Variants in ZBTB20 observed in about 807,000 individuals in gnomAD.
ZBTB20 encodes the protein zinc finger and BTB domain containing 20, also known as zinc finger and BTB domain-containing protein 20.
In ZBTB20, 9 loss-of-function variants were observed where a neutral mutation model predicts 56.9. That is an observed-to-expected ratio of 0.16 (90% CI 0.10 to 0.28). The LOEUF is 0.28. Ranked by LOEUF, ZBTB20 falls within the 10% of genes least tolerant of loss-of-function variation. The pLI is 1.00. For synonymous variants in ZBTB20, 417 were observed against 420.7 expected, an observed-to-expected ratio of 0.99 and a Z score of 0.11; for missense variants, 655 against 1,003.0, an observed-to-expected ratio of 0.65 and a Z score of 4.69.
At chr3:114,371,385 G>T (rs539307772) in intron 10 of ZBTB20, among the ~76,000 whole-genome samples, 1 of 152,230 alleles carries the variant, frequency 6.6e-6, no homozygotes, top group East Asian at 1.9e-4. Context: ...TGTAGTGACA[G>T]GCACAAAAGA....
chr3:114,498,465 T>C (rs984449015), intron 7 of ZBTB20, among the ~76,000 whole-genome samples: 3 of 152,162 alleles, frequency 2.0e-5, no homozygotes, highest in African/African-American at 7.2e-5. Context: ...ACATTTCTTT[T>C]CCTTTTGTCG....
At position 115,059,899 on chromosome 3, in the gene ZBTB20, G is replaced by T. The variant is rs139736319; in HGVS notation, c.-507+11320C>A. ...TTTTCAAGAACCATGTCTTTTATAT[G>T]GTATCTGGTTATGTTGTTACTATTT... On this transcript the variant is annotated intron_variant, in intron 2 of 11. Coordinates refer to ENST00000675478, the MANE Select transcript of ZBTB20 (RefSeq NM_001348800.3). Among the ~76,000 whole-genome samples, 200 of 152,048 alleles carry T rather than the reference G, an allele frequency of 1.3e-3. 2 individuals carry two copies. The highest frequency in any genetic ancestry group is 2.8e-4 in the Non-Finnish European group (19 of 67,952).
chr3:114,898,023 A>G (rs2074957584), intron 4 of ZBTB20, among the ~76,000 whole-genome samples: 1 of 152,140 alleles, frequency 6.6e-6, no homozygotes, highest in African/African-American at 2.4e-5. Flanking sequence ...AAATTTAGTG[A>G]GTCATAGAGA....
intron 6 of ZBTB20, chr3:114,687,667 T>G (rs890201585): frequency 6.6e-6 from 1 of 151,474 alleles, no homozygotes; most frequent in African/African-American, 2.4e-5. Context: ...TCACATAGTT[T>G]GTTGAAATAA....
chr3:114,798,687 C>T (rs1036976522), intron 5 of ZBTB20, among the ~76,000 whole-genome samples: 1 of 151,996 alleles, frequency 6.6e-6, no homozygotes, highest in African/African-American at 2.4e-5. Context: ...TTCTTACATC[C>T]TTTCCCACTA....
chr3:114,420,984 A>G (rs2108821844), intron 7 of ZBTB20, among the ~76,000 whole-genome samples: 2 of 152,280 alleles, frequency 1.3e-5, no homozygotes, highest in Middle Eastern at 6.8e-3. Context: ...GCATTAAACC[A>G]TACCATCATT....
intron 1 of ZBTB20, among the ~76,000 whole-genome samples, chr3:115,076,307 T>A (rs2082591193): frequency 6.6e-6 from 1 of 152,138 alleles, no homozygotes; most frequent in Non-Finnish European, 1.5e-5. Context: ...CTTCAAAATA[T>A]ATTACAAAAC....
chr3:114,410,187 T>C (rs1241963652), intron 7 of ZBTB20, among the ~76,000 whole-genome samples: 3 of 151,996 alleles, frequency 2.0e-5, no homozygotes, highest in Non-Finnish European at 4.4e-5. Flanking sequence ...GCTCTGAGAA[T>C]CAGCGAACTC....
At chr3:114,725,200 G>A (rs981054919) in intron 5 of ZBTB20, among the ~76,000 whole-genome samples, 3 of 152,288 alleles carry the variant, frequency 2.0e-5, no homozygotes, top group East Asian at 3.9e-4. Context: ...TAAACCATGT[G>A]CAAATACAAA....
intron 2 of ZBTB20, among the ~76,000 whole-genome samples, chr3:115,036,832 G>T (rs1298309601): frequency 6.6e-6 from 1 of 152,100 alleles, no homozygotes; most frequent in Admixed American, 6.5e-5. Flanking sequence ...TTGGCCCTGA[G>T]ACTGAAAAAT....
chr3:114,899,775 T>C (rs2075032833), intron 4 of ZBTB20, among the ~76,000 whole-genome samples: 1 of 152,178 alleles, frequency 6.6e-6, no homozygotes, highest in African/African-American at 2.4e-5. Flanking sequence ...TGAGAATTCC[T>C]GCCTGTTGCC....
intron 6 of ZBTB20, among the ~76,000 whole-genome samples, chr3:114,620,142 A>G (rs1290186409): frequency 6.6e-6 from 1 of 152,234 alleles, no homozygotes; most frequent in Non-Finnish European, 1.5e-5. Context: ...TCCATCAGAA[A>G]TTACCCAAGC....
chr3:115,034,737 G>A lies in ZBTB20; in HGVS notation c.-507+36482C>T, dbSNP rs531129983. Among the ~76,000 whole-genome samples, 7 of 151,916 alleles carry A rather than the reference G, an allele frequency of 4.6e-5. No homozygotes were observed. In the South Asian group the frequency reaches 1.2e-3, roughly 27 times the overall value. ...GAAAAACTCATCCCAAAATTCACAC[G>A]AAGTATCAGAGAACCCCCAAACAGC... On this transcript the variant is annotated intron_variant, in intron 2 of 11. Transcript: ENST00000675478.
At chr3:114,861,272 T>C (rs1413191074) in intron 4 of ZBTB20, among the ~76,000 whole-genome samples, 1 of 152,218 alleles carries the variant, frequency 6.6e-6, no homozygotes, top group Non-Finnish European at 1.5e-5. Context: ...GGAAATTATG[T>C]ACTGCTTATT....
At chr3:114,597,234 C>T (rs1012267223) in intron 6 of ZBTB20, among the ~76,000 whole-genome samples, 8 of 152,080 alleles carry the variant, frequency 5.3e-5, no homozygotes, top group Admixed American at 2.0e-4. Context: ...GTTTATTGCA[C>T]GATATTAAGG....
chr3:115,145,936 AT>A (rs1311230970), intron 1 of ZBTB20, among the ~76,000 whole-genome samples: 1 of 152,142 alleles, frequency 6.6e-6, no homozygotes, highest in Non-Finnish European at 1.5e-5. Flanking sequence ...GGCCTCTATA[AT>A]TTTTTTAGCT....
chr3:114,722,007 T>C (rs1008061989), intron 5 of ZBTB20, among the ~76,000 whole-genome samples: 4 of 152,182 alleles, frequency 2.6e-5, no homozygotes, highest in African/African-American at 7.2e-5. Flanking sequence ...GATTCTTCTT[T>C]CTAGTTTCAC....
chr3:114,464,567 G>A (rs2092462233), intron 7 of ZBTB20, among the ~76,000 whole-genome samples: 1 of 152,110 alleles, frequency 6.6e-6, no homozygotes, highest in Non-Finnish European at 1.5e-5. Flanking sequence ...TTAGATTAAT[G>A]CAAAGAAAAG....
Position 114,870,002 on chromosome 3 carries a change from G to T in ZBTB20, c.-417+30302C>A, listed in dbSNP as rs144187336. On this transcript the variant is annotated intron_variant, in intron 4 of 11. Coordinates refer to ENST00000675478, the MANE Select transcript of ZBTB20 (RefSeq NM_001348800.3). Reference sequence around the variant, plus strand: ...CAATCCTTGAAATCTCAGCAGTAGGGTGGCACCAAGTTCCCACACATCAAT... The same window carrying T: ...CAATCCTTGAAATCTCAGCAGTAGGTTGGCACCAAGTTCCCACACATCAAT... 2.0e-5 allele frequency among the ~76,000 whole-genome samples: 3 copies of T among 152,210 alleles called. No individual in the cohort carries two copies. In the East Asian group the frequency reaches 5.8e-4, roughly 29 times the overall value.
Sources: gnomAD v4.1 joint callset for allele counts (sites outside exome capture counted in the v4.1 genomes callset) on GRCh38, gnomAD v4.1.1 for gene constraint, MANE v1.5 for transcripts, NCBI Gene and HGNC (gene_info 2026-07-23, HGNC 2026-07-21) for gene names.